LDB2: variants seen among roughly 807,000 people sequenced by gnomAD.
LDB2 encodes the protein LIM domain-binding protein 2.
LDB2 carries 12 observed loss-of-function variants against 44.3 expected under a neutral mutation model. The ratio of observed to expected loss-of-function variants is 0.27; its 90% confidence interval spans 0.17 to 0.44. The LOEUF (loss-of-function observed/expected upper bound fraction) is 0.44, where lower values mean the gene tolerates loss of function less well. Ranked by LOEUF, LDB2 falls within the 20% of genes least tolerant of loss-of-function variation. The pLI, the probability that LDB2 is intolerant of heterozygous loss-of-function variation, is 1.00. For synonymous variants in LDB2, 164 were observed against 174.8 expected (o/e 0.94, Z 0.49); for missense variants, 344 against 473.5 (o/e 0.73, Z 2.54).
At chr4:16,572,131 G>T (rs1746766512) in intron 5 of LDB2, among the ~76,000 whole-genome samples, 1 of 152,146 alleles carries the variant, frequency 6.6e-6, no homozygotes, top group Non-Finnish European at 1.5e-5. Flanking sequence ...TTCCTTTTCT[G>T]ATTTCAGGCT....
intron 3 of LDB2, among the ~76,000 whole-genome samples, chr4:16,589,445 A>G (rs112123075): frequency 1.3e-5 from 2 of 152,302 alleles, no homozygotes; most frequent in African/African-American, 4.8e-5. Flanking sequence ...CTGCTTGCAT[A>G]AAAGGCCAGT....
intron 1 of LDB2, among the ~76,000 whole-genome samples, chr4:16,881,887 G>C (rs1720235055): frequency 6.6e-6 from 1 of 150,582 alleles, no homozygotes; most frequent in Non-Finnish European, 1.5e-5. Flanking sequence ...TCACCTCCCT[G>C]TTTTGAGATG....
rs1204430908 is a variant in LDB2, at chr4:16,898,644, C to T, written c.-159G>A. On this transcript the variant is annotated 5_prime_UTR_variant, in exon 1 of 8. Coordinates refer to ENST00000304523, the MANE Select transcript of LDB2 (RefSeq NM_001290.5). Reference sequence around the variant, plus strand: ...GCAGGCTGAACACGCTGGCTGGGAACTGCTGTCGGAGCCCTCTATAGCAGG... The same window carrying T: ...GCAGGCTGAACACGCTGGCTGGGAATTGCTGTCGGAGCCCTCTATAGCAGG... 8 of 356,780 alleles carry T rather than the reference C, an allele frequency of 2.2e-5. No individual in the cohort carries two copies. Among genetic ancestry groups the T allele is most frequent in the Non-Finnish European group, 4.0e-5 (8 of 198,830 alleles). The allele number at this position is 356,780 out of a possible 1,614,324, so 22.1% of individuals were successfully genotyped here.
intron 2 of LDB2, among the ~76,000 whole-genome samples, chr4:16,648,708 A>G (rs187802728): frequency 5.8e-4 from 89 of 152,266 alleles, no homozygotes; most frequent in Non-Finnish European, 9.6e-4. Context: ...ACTCTATTTA[A>G]TTGCTTCTCT....
At chr4:16,592,005 CA>C (rs1719154897) in intron 3 of LDB2, among the ~76,000 whole-genome samples, 1 of 151,884 alleles carries the variant, frequency 6.6e-6, no homozygotes, top group Non-Finnish European at 1.5e-5. Context: ...CTGTGGTAAC[CA>C]AAATCAGCTG....
At chr4:16,637,350 T>C (rs2658521) in intron 2 of LDB2, among the ~76,000 whole-genome samples, 1 of 118,710 alleles carries the variant, frequency 8.4e-6, no homozygotes, top group African/African-American at 3.2e-5. Context: ...ATAGAGCAGG[T>C]GTCTTTTTCT....
intron 5 of LDB2, among the ~76,000 whole-genome samples, chr4:16,526,505 C>T (rs1021206847): frequency 6.6e-6 from 1 of 152,194 alleles, no homozygotes; most frequent in Non-Finnish European, 1.5e-5. Flanking sequence ...CCTCTGTCAT[C>T]ACATGAGCCA....
At chr4:16,790,401 G>A (rs945427176) in intron 1 of LDB2, among the ~76,000 whole-genome samples, 5 of 152,158 alleles carry the variant, frequency 3.3e-5, no homozygotes, top group African/African-American at 1.2e-4. Flanking sequence ...TTCTATTGAA[G>A]CAAATATAGA....
At chr4:16,621,899 A>T (rs1416498486) in intron 2 of LDB2, among the ~76,000 whole-genome samples, 2 of 152,220 alleles carry the variant, frequency 1.3e-5, no homozygotes, top group Non-Finnish European at 2.9e-5. Context: ...AAAATAATAT[A>T]GTGGGAATTT....
intron 2 of LDB2, among the ~76,000 whole-genome samples, chr4:16,756,176 G>A (rs1211050504): frequency 6.6e-6 from 1 of 152,204 alleles, no homozygotes; most frequent in Non-Finnish European, 1.5e-5. Flanking sequence ...CAGATGTGGT[G>A]GCTCATGCCT....
chr4:16,720,244 G>T (rs1757970539), intron 2 of LDB2, among the ~76,000 whole-genome samples: 3 of 150,558 alleles, frequency 2.0e-5, no homozygotes, highest in Admixed American at 2.0e-4. Context: ...GATTATCCTA[G>T]ATAATGAGAG....
At chr4:16,589,946 A>C (rs1718321332) in intron 3 of LDB2, among the ~76,000 whole-genome samples, 1 of 152,224 alleles carries the variant, frequency 6.6e-6, no homozygotes, top group African/African-American at 2.4e-5. Context: ...TTGGGTAAGA[A>C]TGTTAGGAAA....
chr4:16,592,505 T>TATATATACACACAC (rs757702164), intron 3 of LDB2, among the ~76,000 whole-genome samples: 17 of 108,056 alleles, frequency 1.6e-4, no homozygotes, highest in African/African-American at 6.1e-4. Context: ...TATATATATA[T>TATATATACACACAC]ACACACACAC....
chr4:16,591,805 C>T (rs1719063292), intron 3 of LDB2, among the ~76,000 whole-genome samples: 1 of 151,920 alleles, frequency 6.6e-6, no homozygotes, highest in South Asian at 2.1e-4. Context: ...AACATCTTCT[C>T]TCTTCAGAAA....
intron 1 of LDB2, among the ~76,000 whole-genome samples, chr4:16,816,140 G>C (rs1001989209): frequency 6.6e-6 from 1 of 152,050 alleles, no homozygotes; most frequent in Non-Finnish European, 1.5e-5. Flanking sequence ...CCCTGGAAGC[G>C]GAGGTTGCAG....
intron 1 of LDB2, among the ~76,000 whole-genome samples, chr4:16,863,795 C>G (rs982170453): frequency 6.6e-6 from 1 of 151,468 alleles, no homozygotes; most frequent in Admixed American, 6.6e-5. Context: ...CGAGTAGCTG[C>G]GATTACAGGC....
chr4:16,565,080 A>G (rs1744010657), intron 5 of LDB2, among the ~76,000 whole-genome samples: 1 of 152,224 alleles, frequency 6.6e-6, no homozygotes, highest in Non-Finnish European at 1.5e-5. Flanking sequence ...AAATGAAATA[A>G]TGATTAATTA....
intron 5 of LDB2, among the ~76,000 whole-genome samples, chr4:16,576,686 T>G (rs1419298088): frequency 6.6e-6 from 1 of 152,154 alleles, no homozygotes; most frequent in African/African-American, 2.4e-5. Flanking sequence ...ACTGAAACTA[T>G]TCCAACAAAT....
chr4:16,712,658 A>G (rs1392768272), intron 2 of LDB2, among the ~76,000 whole-genome samples: 7 of 152,204 alleles, frequency 4.6e-5, no homozygotes, highest in Non-Finnish European at 1.5e-5. Flanking sequence ...CAAAACTTCA[A>G]TGAGATACTA....
Sources: allele counts gnomAD v4.1 joint callset (sites outside exome capture counted in the v4.1 genomes callset), GRCh38; gene constraint gnomAD v4.1.1; transcripts MANE v1.5; gene names NCBI Gene and HGNC (gene_info 2026-07-23, HGNC 2026-07-21).